The following RTEL1 variants were observed in gnomAD, a reference collection of about 807,000 sequenced individuals.
The protein encoded by RTEL1 is regulator of telomere length.
In RTEL1, 86 loss-of-function variants were observed where a neutral mutation model predicts 162.2. The ratio of observed to expected loss-of-function variants is 0.53; its 90% CI spans 0.45 to 0.63. The LOEUF (loss-of-function observed/expected upper bound fraction) is 0.63. Ranked by LOEUF, RTEL1 falls within the 30% of genes least tolerant of loss-of-function variation. RTEL1 has a pLI of 0.00. For missense variants in RTEL1, 1,941 were observed against 1,750.2 expected, an observed-to-expected ratio of 1.11 and a Z score of -1.95; for synonymous variants, 958 against 717.9, an observed-to-expected ratio of 1.33 and a Z score of -5.35.
intron 21 of RTEL1, 36 bp downstream of exon 21, chr20:63,688,641 C>T (rs769430368): frequency 7.0e-6 from 11 of 1,565,310 alleles, no homozygotes; most frequent in Non-Finnish European, 9.5e-6. Context: ...CCTGCTGCCC[C>T]CTCGTGCCTC....
intron 23 of RTEL1, 35 bp from the exon 24 acceptor site, chr20:63,689,715 G>A: frequency 6.2e-7 from 1 of 1,606,618 alleles, no homozygotes. Context: ...CCGTGGCCAA[G>A]GGAGCCCCCG....
Position 63,690,961 on chromosome 20 carries a change from G to C in RTEL1, c.2556+14G>C. The C allele has an allele frequency of 6.5e-7, 1 of 1,544,514 alleles. No individual in the cohort carries two copies. Among genetic ancestry groups the C allele is most frequent in the Non-Finnish European group, 8.7e-7 (1 of 1,145,126 alleles). ...GGCGAGGAGCAGGTACAGTTCCAGGGCCTTGGGATGGACACAGACCCTCTG... is the reference window on the plus strand; with the variant it reads ...GGCGAGGAGCAGGTACAGTTCCAGGCCCTTGGGATGGACACAGACCCTCTG... On this transcript the variant is annotated intron_variant, in intron 27 of 34. Coordinates refer to ENST00000360203, the MANE Select transcript of RTEL1 (RefSeq NM_001283009.2).
chr20:63,661,324 T>G lies in RTEL1; in HGVS notation c.129T>G (p.Pro43=), dbSNP rs544841425. ...AGGTGAATGGCATCCTGGAGAGCCC[T>G]ACGGGTACAGGGAAGACGCTGTGCC... ...QQKVNGILES[P]TGTGKTLCLL... Residue 43 remains proline (P), a synonymous_variant, in exon 3 of 35, where the codon CCT becomes CCG. Transcript: ENST00000360203. This position sits in a 1 kb window ranked among gnomAD's most constrained non-coding sequence, Gnocchi z 5.1. The G allele has an allele frequency of 6.2e-7, 1 of 1,612,568 alleles. No individual in the cohort carries two copies. Among genetic ancestry groups the G allele is most frequent in the African/African-American group, 1.3e-5 (1 of 74,896 alleles).
Position 63,690,288 on chromosome 20 carries a change from C to T in RTEL1, c.2266-6C>T, listed in dbSNP as rs1435283695. The T allele has an allele frequency of 3.1e-6, 5 of 1,603,556 alleles. No individual in the cohort carries two copies. Among genetic ancestry groups the T allele is most frequent in the Admixed American group, 1.7e-5 (1 of 59,668 alleles). Reference sequence around the variant, plus strand: ...AATGGGTCCACCCACCCCCATGGTTCTGCAGATGCCAGCGCCGGCCCCCCG... The same window carrying T: ...AATGGGTCCACCCACCCCCATGGTTTTGCAGATGCCAGCGCCGGCCCCCCG... On this transcript the variant is annotated splice_polypyrimidine_tract_variant and splice_region_variant and intron_variant, in intron 25 of 34. Transcript: ENST00000360203.
intron 10 of RTEL1, among the ~76,000 whole-genome samples, chr20:63,676,815 A>G (rs891217337): frequency 5.5e-4 from 83 of 152,214 alleles, no homozygotes; most frequent in Middle Eastern, 3.4e-3. Flanking sequence ...CATGCTTGTA[A>G]TCCCAGCTAC....
At position 63,679,853 on chromosome 20, in the gene RTEL1, A is replaced by G. The variant is rs773153863; in HGVS notation, c.1042A>G (p.Ile348Val). Reference sequence around the variant, plus strand: ...CTGCCTTCTTCTCCTCGGCAGCTACATCTTTGAGCTGTTTGCTGAAGCCCA... The same window carrying G: ...CTGCCTTCTTCTCCTCGGCAGCTACGTCTTTGAGCTGTTTGCTGAAGCCCA... ...DSGVTKPGSY[I>V]FELFAEAQIT... The change falls in exon 13 of 35, where the codon ATC becomes GTC. Residue 348 changes from isoleucine to valine, a missense_variant. Transcript: ENST00000360203. The G allele has an allele frequency of 1.2e-6, 2 of 1,610,216 alleles. No individual in the cohort carries two copies. The highest frequency in any genetic ancestry group is 2.2e-5 in the East Asian group (1 of 44,864).
Position 63,669,152 on chromosome 20 carries a change from G to T in RTEL1, c.699+1599G>T, listed in dbSNP as rs1163213769. On this transcript the variant is annotated intron_variant, in intron 8 of 34. Transcript: ENST00000360203. ...CGTGCGCCACCATGCCTGGCCCTTG[G>T]TGATTGTTTTTTGACAAACATGCCA... 3.3e-5 allele frequency among the ~76,000 whole-genome samples: 5 copies of T among 152,292 alleles called. 2 individuals carry two copies. The South Asian group carries it at 1.0e-3, about 32-fold the overall frequency.
At position 63,694,799 on chromosome 20, in the gene RTEL1, C is replaced by G; in HGVS notation, c.3168C>G (p.Gly1056=). ...GAGTGCCCAGAGCAGGGAAGCAGGG[C>G]CAGCACGCCGTGAGCGCCTACCTGG... ...GSGVPRAGKQ[G]QHAVSAYLAD... The change falls in exon 32 of 35, where the codon GGC becomes GGG. Residue 1056 remains glycine, a synonymous_variant. Coordinates refer to ENST00000360203, the MANE Select transcript of RTEL1 (RefSeq NM_001283009.2). 1 of 1,612,242 alleles carries G rather than the reference C, an allele frequency of 6.2e-7. No homozygotes were observed. Among genetic ancestry groups the G allele is most frequent in the East Asian group, 2.2e-5 (1 of 44,868 alleles).
At chr20:63,667,093 C>T (rs2090150472) in intron 7 of RTEL1, among the ~76,000 whole-genome samples, 1 of 152,144 alleles carries the variant, frequency 6.6e-6, no homozygotes, top group Non-Finnish European at 1.5e-5. Context: ...CCCACCTCGG[C>T]CTCCCAAAGT....
At position 63,661,713 on chromosome 20, in the gene RTEL1, A is replaced by G; in HGVS notation, c.302-137A>G. 2.2e-6 allele frequency: 2 copies of G among 918,642 alleles called. No homozygotes were observed. The highest frequency in any genetic ancestry group is 2.6e-5 in the East Asian group (1 of 38,352). 56.9% of individuals were successfully genotyped at this position (918,642 alleles called of 1,614,324 possible). A position where few individuals can be genotyped will look rare whatever the true frequency, so the allele number is the denominator to read the frequency against. ...GGCACGGCAGATGCCCACTTCACCC[A>G]TTTTTGATAAACCAGTATCTGGGGT... On this transcript the variant is annotated intron_variant, in intron 3 of 34. Transcript: ENST00000360203. The surrounding 1 kb of genome is among the most constrained non-coding windows in gnomAD (Gnocchi z 5.1).
At chr20:63,658,971 G>A (rs1239938118) in intron 1 of RTEL1, among the ~76,000 whole-genome samples, 1 of 152,242 alleles carries the variant, frequency 6.6e-6, no homozygotes, top group Non-Finnish European at 1.5e-5. Context: ...CAGCCCTCAC[G>A]CTCTTGTGGA....
rs116057134 is a variant in RTEL1 at position 63,688,003 on chromosome 20, C to T, written c.1548C>T (p.Val516=). 1,142 of 1,612,822 alleles carry T rather than the reference C, an allele frequency of 7.1e-4. 6 individuals carry two copies. In the African/African-American group the frequency reaches 0.014, roughly 19 times the overall value. ...IDKHQIWVGV[V]PRGPDGAQLS... The stretch of plus-strand genomic sequence containing the variant: ...AGCACCAGATCTGGGTGGGGGTCGT[C>T]CCCAGAGGCCCCGATGGAGCCCAGT... The change falls in exon 18 of 35, where the codon GTC becomes GTT. Residue 516 remains valine (V), a synonymous_variant. Coordinates refer to ENST00000360203, the MANE Select transcript of RTEL1 (RefSeq NM_001283009.2).
Position 63,690,215 on chromosome 20 carries a change from G to GT in RTEL1, c.2265+7dup, listed in dbSNP as rs1568712284. 1 of 1,611,972 alleles carries GT rather than the reference G, an allele frequency of 6.2e-7. No homozygotes were observed. The highest frequency in any genetic ancestry group is 2.2e-5 in the East Asian group (1 of 44,868). On this transcript the variant is annotated splice_donor_region_variant and intron_variant, in intron 25 of 34. Coordinates refer to ENST00000360203, the MANE Select transcript of RTEL1 (RefSeq NM_001283009.2). ...TTCCGTGTTGCCGAGCGAACTGTGA[G>GT]TTCCTGCCCAGGGAGGGGATGAGGG... is the stretch of plus-strand genomic sequence containing the variant.
Position 63,680,667 on chromosome 20 carries a change from C to G in RTEL1, c.1139C>G (p.Ala380Gly), listed in dbSNP as rs770836729. ...DQIIQHLAGR[A>G]GVFTNTAGLQ... Reference sequence around the variant, plus strand: ...TCAGCGCCCTGCTGCCCTCCAGGTGCTGGAGTGTTCACCAACACGGCCGGA... The same window carrying G: ...TCAGCGCCCTGCTGCCCTCCAGGTGGTGGAGTGTTCACCAACACGGCCGGA... The change falls in exon 14 of 35, where the codon GCT becomes GGT. Residue 380 changes from alanine (A) to glycine (G), a missense_variant. By Grantham distance (60) the Ala-to-Gly change is moderately conservative. Transcript: ENST00000360203. The G allele has an allele frequency of 1.2e-6, 2 of 1,613,204 alleles. No homozygotes were observed. Among genetic ancestry groups the G allele is most frequent in the African/African-American group, 1.3e-5 (1 of 75,060 alleles).
chr20:63,688,716 G>T, intron 21 of RTEL1, 111 bp downstream of exon 21: 1 of 961,522 alleles, frequency 1.0e-6, no homozygotes, highest in Non-Finnish European at 1.5e-6. Context: ...GGCGGCTCCC[G>T]CTGCCTCTTC....
chr20:63,690,310 C>G lies in RTEL1; in HGVS notation c.2282C>G (p.Pro761Arg). ...VAERTMPAPA[P>R]RATAPSVRGE... ...GTTCTGCAGATGCCAGCGCCGGCCC[C>G]CCGGGCTACAGCACCCAGTGTGCGT... is the stretch of plus-strand genomic sequence containing the variant. Residue 761 changes from proline to arginine, a missense_variant, in exon 26 of 35, where the codon CCC becomes CGC. Physicochemically the swap from Pro to Arg is moderately radical, Grantham distance 103. Coordinates refer to ENST00000360203, the MANE Select transcript of RTEL1 (RefSeq NM_001283009.2). 6.2e-7 allele frequency: 1 copy of G among 1,608,118 alleles called. No homozygotes were observed. The highest frequency in any genetic ancestry group is 8.5e-7 in the Non-Finnish European group (1 of 1,176,698).
rs559104198 is a variant in RTEL1, at chr20:63,694,902, G to A, written c.3271G>A (p.Asp1091Asn). 92 of 1,612,628 alleles carry A rather than the reference G, an allele frequency of 5.7e-5. 1 individual carries two copies. The South Asian group carries it at 7.8e-4, about 14-fold the overall frequency. ...AALTAYKQDDDLDKVLAVLAA... is the reference protein window; with the variant it reads ...AALTAYKQDDNLDKVLAVLAA... ...GCTGACAGCCTATAAGCAAGACGAC[G>A]ACCTCGACAAGGTGCTGGCTGTGTT... Residue 1091 changes from aspartate (D) to asparagine (N), a missense_variant, in exon 32 of 35, where the codon GAC becomes AAC. Physicochemically the swap from Asp to Asn is conservative, Grantham distance 23. Coordinates refer to ENST00000360203, the MANE Select transcript of RTEL1 (RefSeq NM_001283009.2).
At position 63,690,135 on chromosome 20, in the gene RTEL1, C is replaced by T. The variant is rs144933599; in HGVS notation, c.2190C>T (p.Pro730=). Residue 730 remains proline (P), a synonymous_variant, in exon 25 of 35, where the codon CCC becomes CCT. Coordinates refer to ENST00000360203, the MANE Select transcript of RTEL1 (RefSeq NM_001283009.2). ...ARAQLPSWVR[P]HVRVYDNFGH... is the part of the protein sequence containing the mutation. ...CCCAACTGCCCTCCTGGGTGCGTCC[C>T]CACGTCAGGGTGTATGACAACTTTG... 10 of 1,612,380 alleles carry T rather than the reference C, an allele frequency of 6.2e-6. No homozygotes were observed. Among genetic ancestry groups the T allele is most frequent in the Non-Finnish European group, 8.5e-6 (10 of 1,179,866 alleles).
chr20:63,678,725 A>ACT (rs1469768529), intron 12 of RTEL1, among the ~76,000 whole-genome samples: 1 of 74,524 alleles, frequency 1.3e-5, no homozygotes, highest in African/African-American at 5.4e-5. Flanking sequence ...CAGCACACAC[A>ACT]CCCACGGAAC....
Sources: gnomAD v4.1 joint callset for allele counts (sites outside exome capture counted in the v4.1 genomes callset) on GRCh38, gnomAD v4.1.1 for gene constraint, Gnocchi (gnomAD v3.1) non-coding constraint, MANE v1.5 for transcripts, NCBI Gene and HGNC (gene_info 2026-07-23, HGNC 2026-07-21) for gene names.